Variants in CLYBL observed in about 807,000 individuals in gnomAD.
CLYBL encodes citramalyl-CoA lyase, mitochondrial.
In CLYBL, 31 loss-of-function variants were observed where a neutral mutation model predicts 38.9. The ratio of observed to expected loss-of-function variants is 0.80; its 90% confidence interval spans 0.60 to 1.08. The LOEUF is 1.08. CLYBL is among the 50% of genes least tolerant of loss of function. The pLI, the probability that CLYBL is intolerant of heterozygous loss-of-function variation, is 0.00. For missense variants in CLYBL, 434 were observed against 411.6 expected (o/e 1.05, Z -0.47); for synonymous variants, 171 against 158.6 (o/e 1.08, Z -0.59).
At chr13:99,712,365 C>T (rs1306678563) in intron 1 of CLYBL, among the ~76,000 whole-genome samples, 2 of 141,122 alleles carry the variant, frequency 1.4e-5, no homozygotes, top group East Asian at 2.1e-4. Context: ...GACAGGGTCT[C>T]GCTCTATAGC....
intron 1 of CLYBL, among the ~76,000 whole-genome samples, chr13:99,704,039 C>A (rs1594128966): frequency 6.6e-6 from 1 of 152,160 alleles, no homozygotes; most frequent in Non-Finnish European, 1.5e-5. Flanking sequence ...AGGAAAAAAG[C>A]ACCTGTGGAA....
chr13:99,619,337 TC>T (rs1378426133), intron 1 of CLYBL, among the ~76,000 whole-genome samples: 1 of 152,210 alleles, frequency 6.6e-6, no homozygotes, highest in Non-Finnish European at 1.5e-5. Context: ...AGAGCAGCCC[TC>T]TGTAGACACC....
intron 1 of CLYBL, among the ~76,000 whole-genome samples, chr13:99,680,646 A>G (rs1374610880): frequency 2.0e-5 from 3 of 152,234 alleles, no homozygotes; most frequent in Non-Finnish European, 4.4e-5. Context: ...ATGTGCTTCC[A>G]TCACAGAATG....
At chr13:99,878,933 G>A (rs954636440) in intron 7 of CLYBL, among the ~76,000 whole-genome samples, 1 of 152,192 alleles carries the variant, frequency 6.6e-6, no homozygotes, top group African/African-American at 2.4e-5. Flanking sequence ...AAAAATAGAA[G>A]GCTACCTTGG....
intron 5 of CLYBL, 143 bp from the exon 6 acceptor site, chr13:99,866,097 T>G: frequency 1.2e-6 from 1 of 806,112 alleles, no homozygotes; most frequent in East Asian, 2.6e-5. Context: ...CCTGTCTTCA[T>G]TTGTATTTCA....
chr13:99,843,593 GA>G (rs2051133325), intron 2 of CLYBL, among the ~76,000 whole-genome samples: 1 of 137,582 alleles, frequency 7.3e-6, no homozygotes, highest in African/African-American at 2.8e-5. Context: ...AACAGCTGGG[GA>G]AAAATTAATC....
intron 1 of CLYBL, among the ~76,000 whole-genome samples, chr13:99,730,371 G>T (rs528338348): frequency 1.3e-5 from 2 of 152,224 alleles, no homozygotes; most frequent in Non-Finnish European, 2.9e-5. Context: ...GCACGCTCAT[G>T]GGGGCAGCCC....
At chr13:99,623,958 C>CAAAA (rs754256330) in intron 1 of CLYBL, among the ~76,000 whole-genome samples, 36 of 64,218 alleles carry the variant, frequency 5.6e-4, no homozygotes, top group Admixed American at 1.7e-3. Flanking sequence ...GACTCCATCT[C>CAAAA]AAAAAAAAAA....
At chr13:99,906,946 G>A (rs1221012091) in intron 9 of CLYBL, among the ~76,000 whole-genome samples, 1 of 152,112 alleles carries the variant, frequency 6.6e-6, no homozygotes, top group Non-Finnish European at 1.5e-5. Flanking sequence ...CTACATCTGG[G>A]AATTTATCCT....
At chr13:99,857,139 A>T (rs1438322667) in intron 2 of CLYBL, among the ~76,000 whole-genome samples, 1 of 151,194 alleles carries the variant, frequency 6.6e-6, no homozygotes, top group Non-Finnish European at 1.5e-5. Flanking sequence ...ACACAGTGAA[A>T]CCCTGTCTCT....
chr13:99,759,771 C>T (rs2049131814), intron 1 of CLYBL, among the ~76,000 whole-genome samples: 2 of 152,200 alleles, frequency 1.3e-5, no homozygotes, highest in South Asian at 4.1e-4. Flanking sequence ...TATGTTGCTT[C>T]TCATTGAAGA....
chr13:99,749,566 T>C (rs1017656822), intron 1 of CLYBL, among the ~76,000 whole-genome samples: 2 of 152,230 alleles, frequency 1.3e-5, no homozygotes, highest in African/African-American at 4.8e-5. Flanking sequence ...GACCACAAAC[T>C]GGCTTCCCTT....
At chr13:99,737,531 T>C (rs1409809903) in intron 1 of CLYBL, among the ~76,000 whole-genome samples, 2 of 152,218 alleles carry the variant, frequency 1.3e-5, no homozygotes, top group East Asian at 3.8e-4. Context: ...AGGCTTTCCT[T>C]ACCTCTCACC....
At chr13:99,765,369 A>C (rs934914887) in intron 1 of CLYBL, among the ~76,000 whole-genome samples, 1 of 152,030 alleles carries the variant, frequency 6.6e-6, no homozygotes, top group African/African-American at 2.4e-5. Flanking sequence ...TGAGAGTCTG[A>C]TTATTATATG....
intron 2 of CLYBL, among the ~76,000 whole-genome samples, chr13:99,846,965 GA>G (rs370559476): frequency 3.7e-4 from 56 of 152,148 alleles, no homozygotes; most frequent in African/African-American, 1.3e-3. Context: ...CCACAGAAAT[GA>G]AAAAAAGTTT....
intron 1 of CLYBL, among the ~76,000 whole-genome samples, chr13:99,759,990 C>T (rs1256669975): frequency 6.6e-5 from 10 of 152,088 alleles, no homozygotes; most frequent in African/African-American, 1.4e-4. Context: ...TTTTGATTAC[C>T]GGTTCAATCT....
rs146282910 is a variant in CLYBL, at chr13:99,756,999, C to A, written c.63-15825C>A. ...TGCAGCCTTGACCCCCAGGCTCAGG[C>A]GGTCCTCTCACCTCAGCCTCAGGAG... is the stretch of plus-strand genomic sequence containing the variant. On this transcript the variant is annotated intron_variant, in intron 1 of 8. Coordinates refer to ENST00000339105, the MANE Select transcript of CLYBL (RefSeq NM_206808.5). Among the ~76,000 whole-genome samples, 465 of 152,098 alleles carry A rather than the reference C, an allele frequency of 3.1e-3. 2 individuals are homozygous for A. The highest frequency in any genetic ancestry group is 0.01 in the African/African-American group (416 of 41,482).
intron 2 of CLYBL, among the ~76,000 whole-genome samples, chr13:99,834,470 A>G (rs750940785): frequency 6.6e-6 from 1 of 152,174 alleles, no homozygotes; most frequent in African/African-American, 2.4e-5. Context: ...GGGAACACTC[A>G]TTCCCCCTTC....
chr13:99,854,157 G>A (rs140670464), intron 2 of CLYBL, among the ~76,000 whole-genome samples: 181 of 152,148 alleles, frequency 1.2e-3, no homozygotes, highest in African/African-American at 4.1e-3. Context: ...ATCTTGGGTC[G>A]CACATAGCTT....
Sources: gnomAD v4.1 joint callset for allele counts (sites outside exome capture counted in the v4.1 genomes callset) on GRCh38, gnomAD v4.1.1 for gene constraint, MANE v1.5 for transcripts, NCBI Gene and HGNC (gene_info 2026-07-23, HGNC 2026-07-21) for gene names.